The following P2RY14 variants were observed in gnomAD, a reference collection of about 807,000 sequenced individuals.
P2RY14 encodes P2Y purinoceptor 14.
Under a neutral mutation model 0.9 loss-of-function variants are expected in P2RY14, and 2 were observed. That is an observed-to-expected ratio of 2.16 (90% CI 0.88 to 6.79). P2RY14 has a LOEUF of 6.79. P2RY14 is among the 30% of genes most tolerant of loss of function. The pLI is 0.05. For synonymous variants in P2RY14, 158 were observed against 147.2 expected (o/e 1.07, Z -0.53); for missense variants, 378 against 400.1 (o/e 0.94, Z 0.47).
chr3:151,241,161 T>C (rs1733996404), intron 1 of P2RY14, among the ~76,000 whole-genome samples: 1 of 152,228 alleles, frequency 6.6e-6, no homozygotes, highest in Non-Finnish European at 1.5e-5. Context: ...TTAGTGGTTT[T>C]CTCCTTGCCC....
rs1173457108 is a variant in P2RY14, at chr3:151,213,475, A to T, written c.842T>A (p.Leu281Gln). The T allele has an allele frequency of 6.2e-7, 1 of 1,614,084 alleles. No homozygotes were observed. Among genetic ancestry groups the T allele is most frequent in the Non-Finnish European group, 8.5e-7 (1 of 1,180,020 alleles). ...EILRYMKEFTLLLSAANVCLD... is the reference protein window; with the variant it reads ...EILRYMKEFTQLLSAANVCLD... ...GCATACATTTGCAGCAGATAGTAGCAGAGTGAATTCTTTCATATACCGCAA... is the reference window on the plus strand; with the variant it reads ...GCATACATTTGCAGCAGATAGTAGCTGAGTGAATTCTTTCATATACCGCAA... The change falls in exon 3 of 3, where the codon CTG (leucine) becomes CAG (glutamine). Residue 281 changes from leucine (L) to glutamine (Q), a missense_variant. Transcript: ENST00000309170.
At chr3:151,224,013 A>C (rs1431930741) in intron 1 of P2RY14, among the ~76,000 whole-genome samples, 2 of 152,188 alleles carry the variant, frequency 1.3e-5, no homozygotes, top group Non-Finnish European at 2.9e-5. Flanking sequence ...TTCTGAATCA[A>C]ATATGCCTAA....
At chr3:151,224,699 G>A (rs778443550) in intron 1 of P2RY14, among the ~76,000 whole-genome samples, 1 of 152,112 alleles carries the variant, frequency 6.6e-6, no homozygotes, top group East Asian at 1.9e-4. Flanking sequence ...ATCACCCAGA[G>A]CATTTAAAGT....
chr3:151,248,579 G>A (rs917175680), intron 1 of P2RY14, among the ~76,000 whole-genome samples: 4 of 152,022 alleles, frequency 2.6e-5, no homozygotes, highest in African/African-American at 9.7e-5. Flanking sequence ...CCATCCGACT[G>A]TCTGGATAAT....
chr3:151,241,118 C>G (rs1336209217), intron 1 of P2RY14, among the ~76,000 whole-genome samples: 1 of 152,242 alleles, frequency 6.6e-6, no homozygotes, highest in East Asian at 1.9e-4. Context: ...AGTCTTAGAT[C>G]TCACTATCAC....
At chr3:151,223,059 A>G (rs1390093712) in intron 1 of P2RY14, among the ~76,000 whole-genome samples, 1 of 152,088 alleles carries the variant, frequency 6.6e-6, no homozygotes, top group African/African-American at 2.4e-5. Context: ...TTGGAAAGAA[A>G]GAGGTTAAGT....
At chr3:151,275,647 A>C (rs1741727661) in intron 1 of P2RY14, among the ~76,000 whole-genome samples, 3 of 152,218 alleles carry the variant, frequency 2.0e-5, no homozygotes, top group Non-Finnish European at 4.4e-5. Context: ...AGCATTCATT[A>C]ATTACTAGAT....
chr3:151,242,531 T>C (rs528251360), intron 1 of P2RY14, among the ~76,000 whole-genome samples: 130 of 152,180 alleles, frequency 8.5e-4, no homozygotes, highest in African/African-American at 2.7e-3. Flanking sequence ...CAGCAGGGTA[T>C]TCCAACAGAC....
At chr3:151,237,186 A>G (rs1271776490) in intron 1 of P2RY14, among the ~76,000 whole-genome samples, 2 of 146,996 alleles carry the variant, frequency 1.4e-5, no homozygotes, top group Admixed American at 6.8e-5. Flanking sequence ...CTACAGGTGC[A>G]TGCCACCACG....
chr3:151,257,682 A>G (rs1400725374), intron 1 of P2RY14, among the ~76,000 whole-genome samples: 1 of 152,224 alleles, frequency 6.6e-6, no homozygotes, highest in Non-Finnish European at 1.5e-5. Context: ...GGGCTTTCAT[A>G]CCATCTTCAA....
chr3:151,277,505 T>C lies in P2RY14; in HGVS notation c.-133+782A>G, dbSNP rs1037191856. 2.6e-5 allele frequency among the ~76,000 whole-genome samples: 4 copies of C among 152,194 alleles called. No homozygotes were observed. In the South Asian group the frequency reaches 6.2e-4, roughly 24 times the overall value. On this transcript the variant is annotated intron_variant, in intron 1 of 2. Coordinates refer to ENST00000309170, the MANE Select transcript of P2RY14 (RefSeq NM_014879.4). ...TATTTATTTTTTTACTAGTGTGATC[T>C]TTGATTCATTTTCTCCGTAGGATTG...
intron 1 of P2RY14, among the ~76,000 whole-genome samples, chr3:151,272,493 T>A (rs1358444037): frequency 2.6e-5 from 4 of 152,210 alleles, no homozygotes; most frequent in Admixed American, 2.6e-4. Context: ...TATTTCCTCC[T>A]CCCAAATTCC....
At chr3:151,244,698 A>G (rs1734976818) in intron 1 of P2RY14, among the ~76,000 whole-genome samples, 1 of 151,498 alleles carries the variant, frequency 6.6e-6, no homozygotes, top group South Asian at 2.1e-4. Context: ...TAACATCACA[A>G]TTAAAAGAAC....
At chr3:151,238,681 T>TA (rs34817011) in intron 1 of P2RY14, among the ~76,000 whole-genome samples, 45,970 of 151,966 alleles carry the variant, frequency 0.3, 7,066 homozygotes, top group Non-Finnish European at 0.33. Flanking sequence ...CTTACTGACA[T>TA]ACAATCTTAA....
chr3:151,216,722 G>T (rs1728305182), intron 2 of P2RY14, among the ~76,000 whole-genome samples: 1 of 152,074 alleles, frequency 6.6e-6, no homozygotes, highest in East Asian at 1.9e-4. Context: ...GTACTCATTT[G>T]CTTCTTTGTA....
intron 1 of P2RY14, among the ~76,000 whole-genome samples, chr3:151,261,800 C>CTA (rs1274896691): frequency 6.6e-6 from 1 of 152,178 alleles, no homozygotes; most frequent in Non-Finnish European, 1.5e-5. Context: ...TCTTGGCGCA[C>CTA]TATAACCTCC....
chr3:151,265,401 C>T (rs1489806310), intron 1 of P2RY14, among the ~76,000 whole-genome samples: 6 of 152,184 alleles, frequency 3.9e-5, no homozygotes, highest in African/African-American at 7.2e-5. Context: ...GTTTCACAGA[C>T]TGATTTCTCT....
Position 151,213,432 on chromosome 3 carries a change from A to G in P2RY14, c.885T>C (p.Tyr295=), listed in dbSNP as rs528794736. Residue 295 remains tyrosine (Y), a synonymous_variant, in exon 3 of 3, where the codon TAT becomes TAC. Coordinates refer to ENST00000309170, the MANE Select transcript of P2RY14 (RefSeq NM_014879.4). The stretch of plus-strand genomic sequence containing the variant: ...CCCTAAACGGCTGGCATAGAAAGAA[A>G]TAAATAATAGGGTCCAAGCATACAT... ...AANVCLDPII[Y]FFLCQPFREI... is the part of the protein sequence containing the mutation. 3 of 1,614,212 alleles carry G rather than the reference A, an allele frequency of 1.9e-6. No homozygotes were observed. The African/African-American group carries it at 4.0e-5, about 22-fold the overall frequency.
At chr3:151,257,364 A>G (rs1439933928) in intron 1 of P2RY14, among the ~76,000 whole-genome samples, 2 of 152,206 alleles carry the variant, frequency 1.3e-5, no homozygotes, top group African/African-American at 4.8e-5. Context: ...TAAATTGTTT[A>G]TGTGAGAAAC....
Sources: allele counts gnomAD v4.1 joint callset (sites outside exome capture counted in the v4.1 genomes callset), GRCh38; gene constraint gnomAD v4.1.1; transcripts MANE v1.5; gene names NCBI Gene and HGNC (gene_info 2026-07-23, HGNC 2026-07-21).